LAMA1: variants seen among roughly 807,000 people sequenced by gnomAD.
The protein encoded by LAMA1 is laminin subunit alpha 1, also known as laminin subunit alpha-1.
LAMA1 carries 219 observed loss-of-function variants against 348.7 expected under a neutral mutation model. The ratio of observed to expected loss-of-function variants is 0.63; its 90% CI spans 0.56 to 0.70. The LOEUF (loss-of-function observed/expected upper bound fraction) is 0.70. LAMA1 is among the 30% of genes least tolerant of loss of function. LAMA1 has a pLI of 0.00. For missense variants in LAMA1, 3,744 were observed against 3,888.0 expected (o/e 0.96, Z 0.99); for synonymous variants, 1,487 against 1,491.0 (o/e 1.00, Z 0.06).
At chr18:6,978,018 G>GA in intron 43 of LAMA1, 137 bp from the exon 44 acceptor site, 1 of 1,276,240 alleles carries the variant, frequency 7.8e-7, no homozygotes, top group Non-Finnish European at 1.1e-6. Context: ...GTACAAAGAT[G>GA]AAAACTGCAC....
At position 7,042,229 on chromosome 18, in the gene LAMA1, G is replaced by A; in HGVS notation, c.1177C>T (p.Pro393Ser). The change falls in exon 9 of 63, where the codon CCT (proline) becomes TCT (serine). Residue 393 changes from proline to serine, a missense_variant. Around this residue, in one of 3 missense-constraint regions of LAMA1, gnomAD observed 1,529 missense variants for 1,689.4 expected, o/e 0.91. Coordinates refer to ENST00000389658, the MANE Select transcript of LAMA1 (RefSeq NM_005559.4). ...PHKVSPYEDE[P>S]CRPCNCDPVG... The stretch of plus-strand genomic sequence containing the variant: ...GGGTCACAATTACAGGGGCGGCAAG[G>A]CTCATCCTCATAAGGAGACACCTGA... 1 of 1,610,392 alleles carries A rather than the reference G, an allele frequency of 6.2e-7. No individual in the cohort carries two copies. Among genetic ancestry groups the A allele is most frequent in the Non-Finnish European group, 8.5e-7 (1 of 1,177,718 alleles).
At chr18:7,021,396 A>G (rs2057914761) in intron 19 of LAMA1, among the ~76,000 whole-genome samples, 1 of 152,238 alleles carries the variant, frequency 6.6e-6, no homozygotes, top group East Asian at 1.9e-4. Context: ...GGTTTTGTCA[A>G]TGTGGATGCC....
chr18:7,075,678 C>T (rs1028133030), intron 3 of LAMA1, among the ~76,000 whole-genome samples: 55 of 152,052 alleles, frequency 3.6e-4, no homozygotes, highest in African/African-American at 1.2e-3. Context: ...TGGCTTACGC[C>T]GGTAATTCCA....
Position 6,955,336 on chromosome 18 carries a change from G to T in LAMA1, c.8207+17C>A. On this transcript the variant is annotated intron_variant, in intron 57 of 62. Transcript: ENST00000389658. ...TAGCAATGAGACGCCGCATAAGGAT[G>T]TTAGAATGATACCTACTTCTTTCTG... 1 of 1,595,942 alleles carries T rather than the reference G, an allele frequency of 6.3e-7. No homozygotes were observed. The highest frequency in any genetic ancestry group is 8.6e-7 in the Non-Finnish European group (1 of 1,164,910).
chr18:7,033,240 G>A, intron 14 of LAMA1, 145 bp from the exon 15 acceptor site: 2 of 669,806 alleles, frequency 3.0e-6, no homozygotes, highest in Non-Finnish European at 5.5e-6. Context: ...GCCAAGGTGG[G>A]TGGATCACGA....
Position 7,032,071 on chromosome 18 carries a change from AAACGCCGTG to A in LAMA1, c.2260_2268del (p.His754_Val756del). ...AACTACAGTGAGAGACTCACAATGC[AAACGCCGTG>A]AACATTACACTCAGCTGCATGGCCG... On this transcript the variant is annotated inframe_deletion, in exon 16 of 63. Coordinates refer to ENST00000389658, the MANE Select transcript of LAMA1 (RefSeq NM_005559.4). The A allele has an allele frequency of 6.2e-7, 1 of 1,613,904 alleles. No individual in the cohort carries two copies.
Position 6,995,583 on chromosome 18 carries a change from T to C in LAMA1, c.4807-137A>G. The C allele has an allele frequency of 4.5e-6, 3 of 665,650 alleles. 1 individual carries two copies. Among genetic ancestry groups the C allele is most frequent in the South Asian group, 3.3e-5 (2 of 59,874 alleles). The allele number at this position is 665,650 out of a possible 1,614,324, so 41.2% of individuals were successfully genotyped here. A position where few individuals can be genotyped will look rare whatever the true frequency, so the allele number is the denominator to read the frequency against. On this transcript the variant is annotated intron_variant, in intron 33 of 62. Coordinates refer to ENST00000389658, the MANE Select transcript of LAMA1 (RefSeq NM_005559.4). ...TTGGAACTGTCATTTTAAAAAAAAA[T>C]GGATCACATTTACTTAGGTTTCGAT...
chr18:7,028,166 G>GA (rs928689698), intron 16 of LAMA1, among the ~76,000 whole-genome samples: 3 of 152,070 alleles, frequency 2.0e-5, no homozygotes, highest in African/African-American at 4.8e-5. Flanking sequence ...CAAACTTCAG[G>GA]AAAAAACAAA....
At chr18:6,968,720 C>T (rs1053494632) in intron 48 of LAMA1, among the ~76,000 whole-genome samples, 4 of 152,164 alleles carry the variant, frequency 2.6e-5, no homozygotes, top group Admixed American at 1.3e-4. Context: ...ATATAACAGA[C>T]TGCTCATAAT....
Position 6,980,637 on chromosome 18 carries a change from C to T in LAMA1, c.5891G>A (p.Gly1964Asp), listed in dbSNP as rs2057707204. ...EGNNLSRKLP[G>D]IALELSELRN... Reference sequence around the variant, plus strand: ...CAATTCACTCAGTTCCAATGCAATACCTATTTAAAGGGAGAAAAATGTTTC... The same window carrying T: ...CAATTCACTCAGTTCCAATGCAATATCTATTTAAAGGGAGAAAAATGTTTC... The change falls in exon 42 of 63, where the codon GGT (glycine) becomes GAT (aspartate). Residue 1964 changes from glycine to aspartate, a missense_variant and splice_region_variant. Gly to Asp is a moderately conservative substitution (Grantham distance 94). Around this residue, in one of 3 missense-constraint regions of LAMA1, gnomAD observed 1,983 missense variants for 1,934.3 expected, o/e 1.03. Transcript: ENST00000389658. The T allele has an allele frequency of 1.9e-6, 3 of 1,580,144 alleles. No homozygotes were observed. Among genetic ancestry groups the T allele is most frequent in the Admixed American group, 1.7e-5 (1 of 59,960 alleles).
chr18:7,052,789 TGA>T (rs1158639628), intron 3 of LAMA1, among the ~76,000 whole-genome samples: 1 of 151,508 alleles, frequency 6.6e-6, no homozygotes, highest in African/African-American at 2.4e-5. Context: ...TTTGGGAGAC[TGA>T]GAGTGAATCA....
chr18:7,026,149 G>A (rs762915785), intron 16 of LAMA1, 43 bp from the exon 17 acceptor site: 54 of 1,599,594 alleles, frequency 3.4e-5, no homozygotes, highest in Non-Finnish European at 4.6e-5. Flanking sequence ...TTGTCTTAAA[G>A]GATTTTCAGA....
chr18:6,980,709 A>G lies in LAMA1; in HGVS notation c.5891-72T>C, dbSNP rs1469269761. 6.2e-6 allele frequency: 5 copies of G among 806,352 alleles called. No individual in the cohort carries two copies. In the African/African-American group the frequency reaches 6.7e-5, roughly 11 times the overall value. The allele number at this position is 806,352 out of a possible 1,614,324, so 49.9% of individuals were successfully genotyped here. On this transcript the variant is annotated intron_variant, in intron 41 of 62. Transcript: ENST00000389658. ...AAGTTGCCTAGGCAACAGCTTTATC[A>G]TTCTTGACCATCGACAGAATTCATA...
In LAMA1 at chr18:7,033,112, T is replaced by C. The variant is rs1180975120; in HGVS notation, c.2052-17A>G. ...GACTCCAACCTACAAATAGACAGAT[T>C]GTTATGTGACTCACACGCTCGCAAA... On this transcript the variant is annotated splice_polypyrimidine_tract_variant and intron_variant, in intron 14 of 62. Transcript: ENST00000389658. 1.9e-6 allele frequency: 3 copies of C among 1,547,286 alleles called. No individual in the cohort carries two copies. The highest frequency in any genetic ancestry group is 2.7e-6 in the Non-Finnish European group (3 of 1,127,606).
rs547519677 is a variant in LAMA1 at position 7,050,760 on chromosome 18, G to A, written c.522C>T (p.Tyr174=). 1.2e-5 allele frequency: 19 copies of A among 1,614,146 alleles called. No individual in the cohort carries two copies. Among genetic ancestry groups the A allele is most frequent in the South Asian group, 2.2e-5 (2 of 91,074 alleles). ...TGCAGATCACTTCATCATCAGCCCT[G>A]TAGGTGGGTGGCCCTCGTCTTGGAG... The part of the protein sequence containing the change: ...NITPRRGPPT[Y]RADDEVICTS... The change falls in exon 4 of 63, where the codon TAC becomes TAT. Residue 174 remains tyrosine, a synonymous_variant. Coordinates refer to ENST00000389658, the MANE Select transcript of LAMA1 (RefSeq NM_005559.4).
At chr18:7,018,448 TG>T (rs1375478383) in intron 19 of LAMA1, among the ~76,000 whole-genome samples, 1 of 141,954 alleles carries the variant, frequency 7.0e-6, no homozygotes, top group African/African-American at 2.7e-5. Flanking sequence ...CAGGCTGGAG[TG>T]CAGTGGCGTG....
intron 19 of LAMA1, among the ~76,000 whole-genome samples, chr18:7,020,901 C>T (rs372581144): frequency 3.0e-4 from 46 of 152,122 alleles, no homozygotes; most frequent in Non-Finnish European, 6.3e-4. Context: ...CACCCTGGCC[C>T]ACTCCATGTC....
rs1568010567 is a variant in LAMA1 at position 6,966,160 on chromosome 18, C to G, written c.7037G>C (p.Gly2346Ala). ...FSPNGLLLYL[G>A]SYGTKDFLSI... ...AAACACTCTTACTGTGCCGTATGAA[C>G]CCAGGTAGAGAAGAAGTCCATTAGG... Residue 2346 changes from glycine to alanine, a missense_variant, in exon 49 of 63, where the codon GGT (glycine) becomes GCT (alanine). Transcript: ENST00000389658. 1 of 1,614,080 alleles carries G rather than the reference C, an allele frequency of 6.2e-7. No homozygotes were observed. Among genetic ancestry groups the G allele is most frequent in the East Asian group, 2.2e-5 (1 of 44,878 alleles).
In LAMA1 at chr18:6,993,769, G is replaced by C. The variant is rs1281304490; in HGVS notation, c.4897-17C>G. 1 of 1,468,746 alleles carries C rather than the reference G, an allele frequency of 6.8e-7. No homozygotes were observed. The highest frequency in any genetic ancestry group is 1.1e-5 in the South Asian group (1 of 88,270). The allele number at this position is 1,468,746 out of a possible 1,614,324, so 91.0% of individuals were successfully genotyped here. ...CCTAGTGAGCTGGTGGAAAAATAAAGTCTCAGGTTAGTTTGACTTTAAGTA... is the reference window on the plus strand; with the variant it reads ...CCTAGTGAGCTGGTGGAAAAATAAACTCTCAGGTTAGTTTGACTTTAAGTA... On this transcript the variant is annotated splice_polypyrimidine_tract_variant and intron_variant, in intron 34 of 62. Transcript: ENST00000389658.
Sources: gnomAD v4.1 joint callset for allele counts (sites outside exome capture counted in the v4.1 genomes callset) on GRCh38, gnomAD v4.1.1 for gene constraint, gnomAD v4.1.1 regional missense constraint, MANE v1.5 for transcripts, NCBI Gene and HGNC (gene_info 2026-07-23, HGNC 2026-07-21) for gene names.